ABCC8: variants seen among roughly 807,000 people sequenced by gnomAD.
ABCC8 encodes the protein ATP-binding cassette sub-family C member 8.
Under a neutral mutation model 188.0 loss-of-function variants are expected in ABCC8, and 137 were observed. The observed-to-expected ratio is 0.73, with a 90% CI of 0.63 to 0.84. The LOEUF is 0.84. Ranked by LOEUF, ABCC8 falls within the 40% of genes least tolerant of loss-of-function variation. The pLI is 0.00. For synonymous variants in ABCC8, 797 were observed against 846.5 expected, an observed-to-expected ratio of 0.94 and a Z score of 1.01; for missense variants, 1,750 against 2,072.7, an observed-to-expected ratio of 0.84 and a Z score of 3.02.
intron 3 of ABCC8, among the ~76,000 whole-genome samples, chr11:17,468,374 C>T (rs979037486): frequency 2.0e-5 from 3 of 152,220 alleles, no homozygotes; most frequent in Non-Finnish European, 4.4e-5. Context: ...CAAAGTCTAA[C>T]TGCCAGATGT....
At chr11:17,436,188 T>C in intron 10 of ABCC8, 1 of 720,062 alleles carries the variant, frequency 1.4e-6, no homozygotes, top group South Asian at 1.4e-5. Flanking sequence ...CCATCTTGGG[T>C]TCTGGTCTGG....
chr11:17,460,742 C>G (rs1251887598), intron 5 of ABCC8, 66 bp from the exon 6 acceptor site: 52 of 1,593,290 alleles, frequency 3.3e-5, no homozygotes, highest in Admixed American at 5.1e-5. Context: ...GCCTAGCCTC[C>G]CAGGATGCCC....
At chr11:17,397,943 C>T in intron 30 of ABCC8, 146 bp from the exon 31 acceptor site, 1 of 1,479,438 alleles carries the variant, frequency 6.8e-7, no homozygotes, top group Non-Finnish European at 9.0e-7. Flanking sequence ...CAGACACACA[C>T]AAGGGCTGCG....
At chr11:17,461,944 A>G in intron 4 of ABCC8, 119 bp from the exon 5 acceptor site, 1 of 1,497,928 alleles carries the variant, frequency 6.7e-7, no homozygotes, top group Non-Finnish European at 8.9e-7. Flanking sequence ...AGATGGGGCC[A>G]TCTTTCGCCT....
intron 6 of ABCC8, among the ~76,000 whole-genome samples, chr11:17,459,009 A>G (rs1564972552): frequency 6.6e-6 from 1 of 152,160 alleles, no homozygotes; most frequent in Non-Finnish European, 1.5e-5. Context: ...ATAATAGTCA[A>G]TTTAGCTTCC....
intron 20 of ABCC8, 131 bp downstream of exon 20, chr11:17,413,263 C>T: frequency 2.1e-6 from 3 of 1,400,808 alleles, no homozygotes; most frequent in South Asian, 2.4e-5. Context: ...CATGTTTGAC[C>T]TTACTGCAGG....
chr11:17,412,542 C>G, intron 21 of ABCC8, 124 bp downstream of exon 21: 1 of 1,347,594 alleles, frequency 7.4e-7, no homozygotes. Context: ...ATATCTCTGG[C>G]AGGAGGGATT....
intron 26 of ABCC8, 139 bp from the exon 27 acceptor site, chr11:17,405,702 T>A: frequency 6.6e-7 from 1 of 1,515,544 alleles, no homozygotes; most frequent in Non-Finnish European, 8.9e-7. Flanking sequence ...TTTGTAGACA[T>A]CTGGCCTGTA....
intron 5 of ABCC8, 59 bp downstream of exon 5, chr11:17,461,524 T>C: frequency 1.2e-6 from 2 of 1,608,070 alleles, no homozygotes; most frequent in Non-Finnish European, 1.7e-6. Flanking sequence ...TTGAGGTCCC[T>C]CTCTGTGACC....
At chr11:17,421,314 C>T (rs1056975737) in intron 16 of ABCC8, among the ~76,000 whole-genome samples, 17 of 152,284 alleles carry the variant, frequency 1.1e-4, no homozygotes, top group African/African-American at 4.1e-4. Flanking sequence ...ACGGTATTTG[C>T]TCATTCCAAA....
intron 10 of ABCC8, chr11:17,435,600 A>G (rs1956056227): frequency 7.2e-7 from 1 of 1,386,990 alleles, no homozygotes. Flanking sequence ...CAGGCTGGAG[A>G]TAAAAGTGAG....
In ABCC8 at chr11:17,393,717, G is replaced by A. The variant is rs148808854; in HGVS notation, c.4588C>T (p.Arg1530Cys). The A allele has an allele frequency of 5.6e-6, 9 of 1,614,214 alleles. No homozygotes were observed. Among genetic ancestry groups the A allele is most frequent in the Non-Finnish European group, 7.6e-6 (9 of 1,180,024 alleles). The change falls in exon 38 of 39, where the codon CGC (arginine) becomes TGC (cysteine). Residue 1530 changes from arginine to cysteine, a missense_variant. Transcript: ENST00000389817. Reference protein sequence around the residue: ...QKVVMTAFADRTVVTIAHRVH... With the variant: ...QKVVMTAFADCTVVTIAHRVH... ...CTTACCGCGATGGTGACCACAGTGC[G>A]GTCTGCGAAGGCTGTCATCACCACC... is the stretch of plus-strand genomic sequence containing the variant.
Position 17,470,228 on chromosome 11 carries a change from A to C in ABCC8, c.291-6T>G. On this transcript the variant is annotated splice_polypyrimidine_tract_variant and splice_region_variant and intron_variant, in intron 2 of 38. Coordinates refer to ENST00000389817, the MANE Select transcript of ABCC8 (RefSeq NM_000352.6). ...GATGGTGGGATTCGGTCACCCTGAG[A>C]TGGGAGAGAGAAACAGACAGGATGG... 6.2e-7 allele frequency: 1 copy of C among 1,614,088 alleles called. No individual in the cohort carries two copies. The highest frequency in any genetic ancestry group is 8.5e-7 in the Non-Finnish European group (1 of 1,180,016).
intron 7 of ABCC8, 171 bp from the exon 8 acceptor site, chr11:17,448,842 A>G: frequency 2.5e-6 from 1 of 394,384 alleles, no homozygotes; most frequent in Non-Finnish European, 3.4e-6. Flanking sequence ...AGTCTACTCC[A>G]GCACAGCAAG....
At chr11:17,449,495 G>A (rs1956675063) in intron 7 of ABCC8, among the ~76,000 whole-genome samples, 4 of 152,184 alleles carry the variant, frequency 2.6e-5, no homozygotes, top group Admixed American at 2.6e-4. Flanking sequence ...CATCCCCAGA[G>A]TGCAGCCACC....
chr11:17,449,511 G>A (rs1417912576), intron 7 of ABCC8, among the ~76,000 whole-genome samples: 1 of 152,182 alleles, frequency 6.6e-6, no homozygotes, highest in Non-Finnish European at 1.5e-5. Context: ...CCACCCCAAG[G>A]ACCCTCACAG....
At chr11:17,469,762 G>A (rs1848375433) in intron 3 of ABCC8, among the ~76,000 whole-genome samples, 1 of 152,100 alleles carries the variant, frequency 6.6e-6, no homozygotes, top group African/African-American at 2.4e-5. Flanking sequence ...TCCCCTTGCA[G>A]GGAATACCTT....
chr11:17,403,108 T>A (rs756744386), intron 28 of ABCC8, among the ~76,000 whole-genome samples: 1 of 152,182 alleles, frequency 6.6e-6, no homozygotes, highest in Non-Finnish European at 1.5e-5. Flanking sequence ...AGGTGAACAA[T>A]CTGAACCTTG....
chr11:17,428,007 C>CTCTGG, intron 14 of ABCC8, 65 bp from the exon 15 acceptor site: 1 of 1,592,082 alleles, frequency 6.3e-7, no homozygotes, highest in Non-Finnish European at 8.6e-7. Flanking sequence ...AGTGAATAGT[C>CTCTGG]TCTGGCTTCC....
Sources: allele counts gnomAD v4.1 joint callset (sites outside exome capture counted in the v4.1 genomes callset), GRCh38; gene constraint gnomAD v4.1.1; transcripts MANE v1.5; gene names NCBI Gene and HGNC (gene_info 2026-07-23, HGNC 2026-07-21).